APOL4: variants seen among roughly 807,000 people sequenced by gnomAD.
APOL4 encodes apolipoprotein L4.
Under a neutral mutation model 12.1 loss-of-function variants are expected in APOL4, and 14 were observed. That is an observed-to-expected ratio of 1.16 (90% CI 0.76 to 1.81). APOL4 has a LOEUF of 1.81. APOL4 is among the 40% of genes most tolerant of loss of function. The pLI is 0.00. For missense variants in APOL4, 432 were observed against 423.1 expected (o/e 1.02, Z -0.18); for synonymous variants, 171 against 160.6 (o/e 1.06, Z -0.49).
intron 1 of APOL4, 147 bp downstream of exon 1, chr22:36,201,553 G>C: frequency 8.4e-7 from 1 of 1,196,478 alleles, no homozygotes; most frequent in South Asian, 1.4e-5. Flanking sequence ...GACAGGAGAG[G>C]GGCATCCCTT....
chr22:36,201,329 A>G (rs910146964), intron 1 of APOL4, among the ~76,000 whole-genome samples: 2 of 149,964 alleles, frequency 1.3e-5, no homozygotes, highest in Non-Finnish European at 1.5e-5. Context: ...ATGGGGTTCC[A>G]TCCTCCAGCT....
At chr22:36,201,913 G>C, upstream of APOL4, 1 of 1,610,340 alleles carries the variant, frequency 6.2e-7, no homozygotes, top group Non-Finnish European at 8.5e-7. Flanking sequence ...ATGGCTCCTG[G>C]CCCAGCCCAA....
At chr22:36,202,447 G>T (rs1414492514), upstream of APOL4, among the ~76,000 whole-genome samples, 1 of 152,162 alleles carries the variant, frequency 6.6e-6, no homozygotes, top group Non-Finnish European at 1.5e-5. Flanking sequence ...GAAAAATCAG[G>T]CCGGGAGCGG....
chr22:36,193,625 T>G (rs2014324920), intron 3 of APOL4, among the ~76,000 whole-genome samples: 1 of 152,196 alleles, frequency 6.6e-6, no homozygotes, highest in African/African-American at 2.4e-5. Flanking sequence ...CCCTCAAGTT[T>G]GCAACTGGTG....
At chr22:36,195,239 G>A in intron 3 of APOL4, 72 bp downstream of exon 3, 1 of 1,551,256 alleles carries the variant, frequency 6.4e-7, no homozygotes. Context: ...GTGCCTGCCA[G>A]AGAAAACTAG....
In APOL4 at chr22:36,195,209, G is replaced by A. The variant is rs2146939845; in HGVS notation, c.209+102C>T. 5.5e-6 allele frequency: 8 copies of A among 1,442,018 alleles called. No individual in the cohort carries two copies. The East Asian group carries it at 9.3e-5, about 17-fold the overall frequency. The allele number at this position is 1,442,018 out of a possible 1,614,324, so 89.3% of individuals were successfully genotyped here. On this transcript the variant is annotated intron_variant, in intron 3 of 3. Transcript: ENST00000683024. ...GAGGGACATCCTCAAGCCCAGCAGAGGGGGCTGCCTGGAGGAGGTGTGCCT... is the reference window on the plus strand; with the variant it reads ...GAGGGACATCCTCAAGCCCAGCAGAAGGGGCTGCCTGGAGGAGGTGTGCCT...
In APOL4 at chr22:36,191,204, C is replaced by G; in HGVS notation, c.918G>C (p.Val306=). The G allele has an allele frequency of 6.2e-7, 1 of 1,613,952 alleles. No individual in the cohort carries two copies. Among genetic ancestry groups the G allele is most frequent in the Middle Eastern group, 1.7e-4 (1 of 6,058 alleles). ...VLVVLDVVNL[V]QDSLDLHKGA... is the part of the protein sequence containing the mutation. ...CCTTGTGCAAGTCCAGTGAGTCTTG[C>G]ACAAGGTTGACTACATCCAGCACAA... Residue 306 remains valine, a synonymous_variant, in exon 4 of 4, where the codon GTG becomes GTC. Coordinates refer to ENST00000683024, the MANE Select transcript of APOL4 (RefSeq NM_001386885.1).
chr22:36,194,051 T>C (rs569114778), intron 3 of APOL4, among the ~76,000 whole-genome samples: 1 of 152,330 alleles, frequency 6.6e-6, no homozygotes, highest in East Asian at 1.9e-4. Flanking sequence ...TCACTAATGC[T>C]GAAAAGACCT....
At chr22:36,200,071 T>A (rs1908852107) in intron 1 of APOL4, among the ~76,000 whole-genome samples, 1 of 151,444 alleles carries the variant, frequency 6.6e-6, no homozygotes, top group Non-Finnish European at 1.5e-5. Flanking sequence ...CCTCCCAAAG[T>A]GCTGGGATTA....
At position 36,191,637 on chromosome 22, in the gene APOL4, G is replaced by T; in HGVS notation, c.485C>A (p.Ala162Glu). ...TGCAGTAATGCTCAGGCTCAGCCCT[G>T]CTGTAAATGGTGCCAACATAACGCC... is the stretch of plus-strand genomic sequence containing the variant. ...VIGVMLAPFT[A>E]GLSLSITAAG... The change falls in exon 4 of 4, where the codon GCA becomes GAA. Residue 162 changes from alanine to glutamate, a missense_variant. Physicochemically the swap from Ala to Glu is moderately radical, Grantham distance 107 (BLOSUM62 -1). Coordinates refer to ENST00000683024, the MANE Select transcript of APOL4 (RefSeq NM_001386885.1). 5 of 1,613,900 alleles carry T rather than the reference G, an allele frequency of 3.1e-6. 1 individual carries two copies. Among genetic ancestry groups the T allele is most frequent in the Non-Finnish European group, 4.2e-6 (5 of 1,179,808 alleles).
At chr22:36,203,368 G>C (rs898052912), upstream of APOL4, among the ~76,000 whole-genome samples, 9 of 152,204 alleles carry the variant, frequency 5.9e-5, no homozygotes, top group African/African-American at 1.9e-4. Context: ...ATTTGATTAC[G>C]AGGTGGGATG....
upstream of APOL4, among the ~76,000 whole-genome samples, chr22:36,204,232 A>G (rs934911486): frequency 4.6e-5 from 7 of 152,140 alleles, no homozygotes; most frequent in African/African-American, 1.2e-4. Flanking sequence ...TGGCCAGACC[A>G]TAAGGACAGA....
rs7290695 is a variant in APOL4 at position 36,198,983 on chromosome 22, G to T, written c.82+347C>A. ...GGTCAACCTCCTCTCCCACCCCTCC[G>T]CTACTCCTGGCCAACCCTCAAAAGC... On this transcript the variant is annotated intron_variant, in intron 2 of 3. Transcript: ENST00000683024. Among the ~76,000 whole-genome samples, 920 of 152,232 alleles carry T rather than the reference G, an allele frequency of 6.0e-3. 14 individuals carry two copies. The highest frequency in any genetic ancestry group is 0.022 in the African/African-American group (894 of 41,510).
In APOL4 at chr22:36,201,726, G is replaced by T. The variant is rs1328074561; in HGVS notation, c.9C>A (p.Ser3=). The T allele has an allele frequency of 1.2e-6, 2 of 1,608,144 alleles. No homozygotes were observed. The highest frequency in any genetic ancestry group is 1.7e-5 in the Admixed American group (1 of 59,238). ...CGACGCTTGTGATGAGCTGCACCCA[G>T]GATCCCATCCTCCTTGGTCATTGTT... is the stretch of plus-strand genomic sequence containing the variant. The part of the protein sequence containing the change: MG[S]WVQLITSVGV... Residue 3 remains serine, a synonymous_variant, in exon 1 of 4, where the codon TCC becomes TCA. Coordinates refer to ENST00000683024, the MANE Select transcript of APOL4 (RefSeq NM_001386885.1).
chr22:36,195,198 A>C, intron 3 of APOL4, 113 bp downstream of exon 3: 1 of 1,374,378 alleles, frequency 7.3e-7, no homozygotes, highest in South Asian at 1.4e-5. Flanking sequence ...GACATCCTCA[A>C]GCCCAGCAGA....
In APOL4 at chr22:36,191,788, T is replaced by C; in HGVS notation, c.334A>G (p.Ile112Val). 1 of 1,586,660 alleles carries C rather than the reference T, an allele frequency of 6.3e-7. No individual in the cohort carries two copies. The highest frequency in any genetic ancestry group is 8.6e-7 in the Non-Finnish European group (1 of 1,162,792). ...ATGGACTCCTGAATCTTCCATCTGA[T>C]TTGAGGAAACTCTTTCAAAAACCAC... ...REWFLKEFPQ[I>V]RWKIQESIER... is the part of the protein sequence containing the mutation. Residue 112 changes from isoleucine to valine, a missense_variant, in exon 4 of 4, where the codon ATC becomes GTC. Physicochemically the swap from Ile to Val is conservative, Grantham distance 29. Transcript: ENST00000683024.
At chr22:36,203,555 G>A (rs544708776), upstream of APOL4, among the ~76,000 whole-genome samples, 241 of 152,302 alleles carry the variant, frequency 1.6e-3, no homozygotes, top group African/African-American at 5.4e-3. Context: ...TGATTAGCAA[G>A]ATATTAATCA....
At chr22:36,197,445 G>A (rs2014443719) in intron 2 of APOL4, 2 of 693,878 alleles carry the variant, frequency 2.9e-6, no homozygotes, top group Non-Finnish European at 2.1e-6. Context: ...AGGGTTGGAT[G>A]GAGGGAACCT....
Position 36,190,726 on chromosome 22 carries a change from C to T in APOL4, c.*349G>A, listed in dbSNP as rs921403965. On this transcript the variant is annotated 3_prime_UTR_variant, in exon 4 of 4. Transcript: ENST00000683024. ...GTTATCCTGTTCTTTTTTCAAGGTG[C>T]CCAGATTTCATATTGTTCAAACACA... The T allele has an allele frequency of 4.3e-4, 94 of 217,100 alleles. No homozygotes were observed. The highest frequency in any genetic ancestry group is 7.0e-4 in the South Asian group (8 of 11,472). 13.4% of individuals were successfully genotyped at this position (217,100 alleles called of 1,614,324 possible). A position where few individuals can be genotyped will look rare whatever the true frequency, so the allele number is the denominator to read the frequency against.
Sources: allele counts gnomAD v4.1 joint callset (sites outside exome capture counted in the v4.1 genomes callset), GRCh38; gene constraint gnomAD v4.1.1; transcripts MANE v1.5; gene names NCBI Gene and HGNC (gene_info 2026-07-23, HGNC 2026-07-21).